GPHN: variants seen among roughly 807,000 people sequenced by gnomAD.
GPHN encodes the protein gephyrin.
Under a neutral mutation model 95.5 loss-of-function variants are expected in GPHN, and 17 were observed. That is an observed-to-expected ratio of 0.18 (90% CI 0.12 to 0.27). GPHN has a LOEUF of 0.27. GPHN is among the 10% of genes least tolerant of loss of function. The pLI is 1.00. For missense variants in GPHN, 660 were observed against 978.1 expected (o/e 0.67, Z 4.34); for synonymous variants, 320 against 322.5 (o/e 0.99, Z 0.08).
At chr14:66,687,079 C>T (rs1475249667) in intron 2 of GPHN, among the ~76,000 whole-genome samples, 1 of 152,102 alleles carries the variant, frequency 6.6e-6, no homozygotes, top group African/African-American at 2.4e-5. Context: ...GTTGAACCAG[C>T]CTTGTATCCC....
At chr14:67,409,265 G>C in the GPHN span, among the ~76,000 whole-genome samples, 1 of 149,914 alleles carries the variant, frequency 6.7e-6, no homozygotes, top group Non-Finnish European at 1.5e-5. Flanking sequence ...AAGTAACAGG[G>C]GGGTGTGGTG....
chr14:66,709,228 A>G, intron 2 of GPHN: 1 of 354,558 alleles, frequency 2.8e-6, no homozygotes. Context: ...TTTCTAAACA[A>G]CCATTCTTTT....
chr14:67,524,684 G>A, the GPHN span, among the ~76,000 whole-genome samples: 1 of 152,180 alleles, frequency 6.6e-6, no homozygotes, highest in Non-Finnish European at 1.5e-5. Flanking sequence ...CCAGACTTGT[G>A]TCTGCTCCTT....
At chr14:67,604,694 C>T in the GPHN span, among the ~76,000 whole-genome samples, 17 of 150,396 alleles carry the variant, frequency 1.1e-4, no homozygotes, top group Non-Finnish European at 1.9e-4. Context: ...GGTAACAGAG[C>T]GAGAAAAAAC....
chr14:66,631,190 AG>A (rs1435063458), intron 1 of GPHN, among the ~76,000 whole-genome samples: 1 of 151,998 alleles, frequency 6.6e-6, no homozygotes, highest in Non-Finnish European at 1.5e-5. Flanking sequence ...CTGGGATAAC[AG>A]GCACTCACCA....
At chr14:67,393,073 G>A in the GPHN span, 1,320 of 1,137,640 alleles carry the variant, frequency 1.2e-3, 7 homozygotes, top group East Asian at 4.8e-3. Context: ...AATACAGGGC[G>A]GTCAAGCACA....
In GPHN at chr14:67,149,420, T is replaced by G. The variant is rs2081111978; in HGVS notation, c.1836+5971T>G. On this transcript the variant is annotated intron_variant, in intron 18 of 22. Coordinates refer to ENST00000478722, the MANE Select transcript of GPHN (RefSeq NM_020806.5). ...TGTTATTTTCAAATGAACCAAATGTTTTTTTAATTTCTTAGTTTTAATTTC... is the reference window on the plus strand; with the variant it reads ...TGTTATTTTCAAATGAACCAAATGTGTTTTTAATTTCTTAGTTTTAATTTC... Among the ~76,000 whole-genome samples, 5 of 152,324 alleles carry G rather than the reference T, an allele frequency of 3.3e-5. No individual in the cohort carries two copies. The South Asian group carries it at 1.0e-3, about 32-fold the overall frequency.
At chr14:66,599,686 TCTTTA>T (rs2062143936) in intron 1 of GPHN, among the ~76,000 whole-genome samples, 1 of 151,976 alleles carries the variant, frequency 6.6e-6, no homozygotes, top group South Asian at 2.1e-4. Flanking sequence ...TCTAATGTTT[TCTTTA>T]CTTGTGTTGT....
Position 66,809,203 on chromosome 14 carries a change from T to C in GPHN, c.202-15271T>C, listed in dbSNP as rs920202028. Reference sequence around the variant, plus strand: ...GAGACAGACCACTTAGTGTGCTTTATAGCAATCTAGGTGAATGATGATAAA... The same window carrying C: ...GAGACAGACCACTTAGTGTGCTTTACAGCAATCTAGGTGAATGATGATAAA... On this transcript the variant is annotated intron_variant, in intron 3 of 22. Transcript: ENST00000478722. Among the ~76,000 whole-genome samples, 10 of 152,302 alleles carry C rather than the reference T, an allele frequency of 6.6e-5. No individual in the cohort carries two copies. The South Asian group carries it at 1.9e-3, about 28-fold the overall frequency.
chr14:66,699,721 T>C (rs890158803), intron 2 of GPHN, among the ~76,000 whole-genome samples: 2 of 152,174 alleles, frequency 1.3e-5, no homozygotes, highest in Non-Finnish European at 2.9e-5. Context: ...TTTATACTAT[T>C]TGTATAAATG....
At chr14:67,232,169 T>C in the GPHN span, among the ~76,000 whole-genome samples, 2 of 152,000 alleles carry the variant, frequency 1.3e-5, no homozygotes, top group African/African-American at 4.8e-5. Context: ...TGGTGTGTGG[T>C]TTTGGAGACT....
chr14:67,524,281 T>C, the GPHN span, among the ~76,000 whole-genome samples: 1 of 152,138 alleles, frequency 6.6e-6, no homozygotes, highest in Non-Finnish European at 1.5e-5. Context: ...TCCAAACTCA[T>C]GTTCTAGGAA....
intron 9 of GPHN, among the ~76,000 whole-genome samples, chr14:66,989,020 A>G (rs1402656182): frequency 3.9e-5 from 6 of 152,026 alleles, no homozygotes; most frequent in African/African-American, 1.2e-4. Context: ...ATTGTATACC[A>G]CACATAGTCA....
chr14:66,966,996 A>G (rs778715539), intron 9 of GPHN, among the ~76,000 whole-genome samples: 1 of 151,914 alleles, frequency 6.6e-6, no homozygotes, highest in Non-Finnish European at 1.5e-5. Context: ...TAATTTGCTT[A>G]TTGCAGAACT....
chr14:67,246,048 C>T, the GPHN span, among the ~76,000 whole-genome samples: 10 of 152,132 alleles, frequency 6.6e-5, no homozygotes, highest in Non-Finnish European at 1.2e-4. Context: ...TTGTCAAAAG[C>T]TATTTGACTG....
the GPHN span, chr14:67,383,222 TAA>T: frequency 7.2e-7 from 1 of 1,390,204 alleles, no homozygotes; most frequent in Admixed American, 2.3e-5. Flanking sequence ...AGAAAAGTGT[TAA>T]AGAGAGAAAA....
intron 17 of GPHN, among the ~76,000 whole-genome samples, chr14:67,136,940 G>A (rs562489402): frequency 4.6e-5 from 7 of 151,944 alleles, no homozygotes; most frequent in South Asian, 4.2e-4. Flanking sequence ...TAATCCCAGC[G>A]CTTTGGGAGG....
chr14:66,680,050 G>A (rs1409215561), intron 1 of GPHN, among the ~76,000 whole-genome samples: 1 of 152,118 alleles, frequency 6.6e-6, no homozygotes, highest in Non-Finnish European at 1.5e-5. Flanking sequence ...ATAAGATCAA[G>A]TGCTAATCAC....
the GPHN span, among the ~76,000 whole-genome samples, chr14:67,234,986 C>A: frequency 6.6e-6 from 1 of 151,578 alleles, no homozygotes; most frequent in Admixed American, 6.6e-5. Flanking sequence ...CAAAACCCTG[C>A]CTCTACTAAA....
Sources: allele counts gnomAD v4.1 joint callset (sites outside exome capture counted in the v4.1 genomes callset), GRCh38; gene constraint gnomAD v4.1.1; transcripts MANE v1.5; gene names NCBI Gene and HGNC (gene_info 2026-07-23, HGNC 2026-07-21).